The following SCRG1 variants were observed in gnomAD, a reference collection of about 807,000 sequenced individuals.
The protein encoded by SCRG1 is scrapie-responsive protein 1.
In SCRG1, 3 loss-of-function variants were observed where a neutral mutation model predicts 7.7. The ratio of observed to expected loss-of-function variants is 0.39; its 90% CI spans 0.18 to 1.01. The LOEUF (loss-of-function observed/expected upper bound fraction) is 1.01. Among genes scored for constraint, SCRG1 ranks in the 50% least tolerant of loss-of-function variants. The probability of loss-of-function intolerance (pLI) is 0.36; values close to 1 mark genes in which losing one functional copy is unlikely to be tolerated. For missense variants in SCRG1, 110 were observed against 117.2 expected, an observed-to-expected ratio of 0.94 and a Z score of 0.28; for synonymous variants, 46 against 41.2, an observed-to-expected ratio of 1.12 and a Z score of -0.44.
chr4:173,482,145 A>G, the SCRG1 span, among the ~76,000 whole-genome samples: 3 of 152,220 alleles, frequency 2.0e-5, no homozygotes, highest in African/African-American at 4.8e-5. Flanking sequence ...GCAGTTGGGC[A>G]TAATGGAAAT....
the SCRG1 span, among the ~76,000 whole-genome samples, chr4:173,456,795 C>T: frequency 6.6e-6 from 1 of 152,166 alleles, no homozygotes; most frequent in Non-Finnish European, 1.5e-5. Flanking sequence ...AGTTGCTCTG[C>T]TCCAAAGAGA....
the SCRG1 span, among the ~76,000 whole-genome samples, chr4:173,417,103 C>G: frequency 6.6e-6 from 1 of 151,806 alleles, no homozygotes; most frequent in African/African-American, 2.4e-5. Context: ...ACACACAACA[C>G]ACACACACAC....
chr4:173,419,888 G>A, the SCRG1 span: 4 of 989,842 alleles, frequency 4.0e-6, no homozygotes, highest in East Asian at 4.8e-5. Context: ...ATACGCTGCA[G>A]CATAATTTGT....
the SCRG1 span, among the ~76,000 whole-genome samples, chr4:173,507,770 G>A: frequency 1.3e-5 from 2 of 152,228 alleles, no homozygotes; most frequent in Admixed American, 1.3e-4. This position sits in a 1 kb window ranked among gnomAD's most constrained non-coding sequence, Gnocchi z 4.4. Context: ...CTCCGGAGCA[G>A]TTGCGGGAGG....
At chr4:173,410,203 G>A (rs1019366211), upstream of SCRG1, among the ~76,000 whole-genome samples, 1 of 152,232 alleles carries the variant, frequency 6.6e-6, no homozygotes, top group Non-Finnish European at 1.5e-5. Flanking sequence ...TGTGGGGACA[G>A]CTTGTTCTAG....
At chr4:173,470,758 A>C in the SCRG1 span, among the ~76,000 whole-genome samples, 4 of 152,350 alleles carry the variant, frequency 2.6e-5, no homozygotes, top group African/African-American at 4.8e-5. Flanking sequence ...TTTATTTAAT[A>C]GTTTCTTCAA....
chr4:173,443,454 G>C, the SCRG1 span, among the ~76,000 whole-genome samples: 12,316 of 152,182 alleles, frequency 0.081, 589 homozygotes, highest in Non-Finnish European at 0.097. Flanking sequence ...TTGCTCACCT[G>C]CCTGTCAATA....
chr4:173,479,443 G>GTTTTTTTTT, the SCRG1 span, among the ~76,000 whole-genome samples: 3 of 135,248 alleles, frequency 2.2e-5, no homozygotes, highest in Non-Finnish European at 4.7e-5. Context: ...TTGTTTTTTT[G>GTTTTTTTTT]TTTTTTTTTT....
At chr4:173,483,781 A>G in the SCRG1 span, among the ~76,000 whole-genome samples, 27 of 45,030 alleles carry the variant, frequency 6.0e-4, 7 homozygotes, top group East Asian at 2.3e-3. Context: ...TATATGATAT[A>G]TCATATATCA....
upstream of SCRG1, among the ~76,000 whole-genome samples, chr4:173,408,991 C>CAAAA (rs991902394): frequency 1.2e-3 from 62 of 51,186 alleles, no homozygotes; most frequent in Non-Finnish European, 2.1e-3. Context: ...GACTCAGTCT[C>CAAAA]AAAAAAAAAA....
At chr4:173,432,961 T>C in the SCRG1 span, among the ~76,000 whole-genome samples, 3 of 152,340 alleles carry the variant, frequency 2.0e-5, no homozygotes, top group Non-Finnish European at 4.4e-5. Context: ...ATTTTTTCTC[T>C]AATGGTGTGG....
At chr4:173,446,658 T>A in the SCRG1 span, 3 of 152,210 alleles carry the variant, frequency 2.0e-5, no homozygotes, top group Non-Finnish European at 4.4e-5. Context: ...GGGGCCTGCT[T>A]GTCTGCGTCA....
chr4:173,497,770 A>C, the SCRG1 span, among the ~76,000 whole-genome samples: 1 of 150,872 alleles, frequency 6.6e-6, no homozygotes, highest in East Asian at 1.9e-4. Context: ...TTCTGGGTTC[A>C]AGCAATTCTC....
chr4:173,416,427 A>G, the SCRG1 span, among the ~76,000 whole-genome samples: 1 of 152,190 alleles, frequency 6.6e-6, no homozygotes, highest in Non-Finnish European at 1.5e-5. Context: ...CGATGATCTC[A>G]TACCTCTGCT....
At chr4:173,501,840 C>G in the SCRG1 span, among the ~76,000 whole-genome samples, 1 of 152,176 alleles carries the variant, frequency 6.6e-6, no homozygotes, top group East Asian at 1.9e-4. This position sits in a 1 kb window ranked among gnomAD's most constrained non-coding sequence, Gnocchi z 5.1. Context: ...CAGGAACCAC[C>G]GCGCGTCTTT....
chr4:173,394,100 C>G (rs1739528497), intron 1 of SCRG1, among the ~76,000 whole-genome samples: 3 of 151,538 alleles, frequency 2.0e-5, no homozygotes, highest in Admixed American at 1.3e-4. Flanking sequence ...AGAGTTTAAT[C>G]CATTTACATG....
At chr4:173,484,692 T>C in the SCRG1 span, among the ~76,000 whole-genome samples, 1 of 96,780 alleles carries the variant, frequency 1.0e-5, no homozygotes, top group African/African-American at 4.4e-5. Context: ...ATATATTATA[T>C]ATTATATGCA....
chr4:173,423,723 T>A, the SCRG1 span, among the ~76,000 whole-genome samples: 2 of 152,100 alleles, frequency 1.3e-5, no homozygotes, highest in African/African-American at 4.8e-5. Flanking sequence ...ATACCTCTGA[T>A]GGAACCTGTC....
At chr4:173,416,777 C>T in the SCRG1 span, among the ~76,000 whole-genome samples, 4 of 152,114 alleles carry the variant, frequency 2.6e-5, no homozygotes, top group African/African-American at 7.2e-5. Flanking sequence ...TTTTGGAAGC[C>T]ATTTCCTCAG....
Sources: gnomAD v4.1 joint callset for allele counts (sites outside exome capture counted in the v4.1 genomes callset) on GRCh38, gnomAD v4.1.1 for gene constraint, Gnocchi (gnomAD v3.1) non-coding constraint, MANE v1.5 for transcripts, NCBI Gene and HGNC (gene_info 2026-07-23, HGNC 2026-07-21) for gene names.